Variants in AGO3 observed in about 807,000 individuals in gnomAD.
AGO3 encodes argonaute RISC catalytic component 3.
AGO3 carries 16 observed loss-of-function variants against 105.5 expected under a neutral mutation model. That is an observed-to-expected ratio of 0.15 (90% CI 0.10 to 0.23). The LOEUF (loss-of-function observed/expected upper bound fraction) is 0.23, where lower values mean the gene tolerates loss of function less well. AGO3 is among the 10% of genes least tolerant of loss of function. The pLI is 1.00. For missense variants in AGO3, 534 were observed against 1,088.0 expected (o/e 0.49, Z 7.16); for synonymous variants, 340 against 367.3 (o/e 0.93, Z 0.85).
At chr1:36,038,546 T>C (rs544680127) in intron 14 of AGO3, among the ~76,000 whole-genome samples, 197 of 152,194 alleles carry the variant, frequency 1.3e-3, no homozygotes, top group Middle Eastern at 3.4e-3. Context: ...TGAGCTACCG[T>C]GCCCGGCCTG....
Position 36,009,086 on chromosome 1 carries a change from A to ATTATTTTTTTTTTTTTTTTTT in AGO3, c.1029+44_1029+45insATTTTTTTTTTTTTTTTTTTT. ...GCTAATTAATACCCTGTTGTTCATG[A>ATTATTTTTTTTTTTTTTTTTT]TTCTTTTGGGGTCTTTTATGGCCGA... On this transcript the variant is annotated intron_variant, in intron 8 of 18. Coordinates refer to ENST00000373191, the MANE Select transcript of AGO3 (RefSeq NM_024852.4). 3.4e-6 allele frequency: 5 copies of ATTATTTTTTTTTTTTTTTTTT among 1,481,350 alleles called. No homozygotes were observed. In the East Asian group the frequency reaches 2.0e-4, roughly 60 times the overall value. 91.8% of individuals were successfully genotyped at this position (1,481,350 alleles called of 1,614,324 possible). A position where few individuals can be genotyped will look rare whatever the true frequency, so the allele number is the denominator to read the frequency against.
intron 2 of AGO3, among the ~76,000 whole-genome samples, chr1:35,962,384 A>G (rs1015058287): frequency 9.9e-5 from 15 of 152,188 alleles, no homozygotes; most frequent in African/African-American, 3.1e-4. Context: ...TCTACTAAAA[A>G]TACAAAAAAT....
chr1:35,953,972 A>G (rs1646519911), intron 2 of AGO3, among the ~76,000 whole-genome samples: 1 of 152,182 alleles, frequency 6.6e-6, no homozygotes, highest in East Asian at 1.9e-4. Flanking sequence ...TTGAAGCACA[A>G]ACTTTTAAAA....
At chr1:36,005,267 T>A (rs1569736249) in intron 6 of AGO3, among the ~76,000 whole-genome samples, 1 of 152,290 alleles carries the variant, frequency 6.6e-6, no homozygotes, top group African/African-American at 2.4e-5. Flanking sequence ...AGCTTGTGGT[T>A]TGAATGAAGC....
chr1:36,045,993 G>T (rs1339802183), intron 17 of AGO3, among the ~76,000 whole-genome samples: 1 of 152,136 alleles, frequency 6.6e-6, no homozygotes, highest in Non-Finnish European at 1.5e-5. Context: ...TCCAAATCAG[G>T]ATCAGCTGGG....
intron 5 of AGO3, among the ~76,000 whole-genome samples, chr1:35,994,968 G>A (rs963053165): frequency 3.3e-5 from 5 of 151,978 alleles, no homozygotes; most frequent in Admixed American, 1.3e-4. Context: ...GGAGGCCAAG[G>A]TGGGTGGATT....
At chr1:35,979,324 G>A (rs1216006429) in intron 5 of AGO3, among the ~76,000 whole-genome samples, 3 of 151,786 alleles carry the variant, frequency 2.0e-5, no homozygotes, top group African/African-American at 4.8e-5. Flanking sequence ...AGATCGCGCC[G>A]CTGCACCCCA....
chr1:35,998,250 G>A (rs1639930989), intron 5 of AGO3, among the ~76,000 whole-genome samples: 1 of 152,040 alleles, frequency 6.6e-6, no homozygotes, highest in African/African-American at 2.4e-5. Context: ...AATTATATGA[G>A]TATAGTACAA....
intron 2 of AGO3, among the ~76,000 whole-genome samples, chr1:35,958,281 T>A (rs957197325): frequency 6.6e-6 from 1 of 151,898 alleles, no homozygotes. Flanking sequence ...CCCAGGAGGC[T>A]GAGTCTGAAG....
At position 36,034,235 on chromosome 1, in the gene AGO3, G is replaced by A. The variant is rs1479529135; in HGVS notation, c.1653G>A (p.Lys551=). ...LGMATQCVQV[K]NVIKTSPQTL... Reference sequence around the variant, plus strand: ...TGGCTACACAATGTGTTCAAGTCAAGAATGTAATAAAAACATCTCCTCAAA... The same window carrying A: ...TGGCTACACAATGTGTTCAAGTCAAAAATGTAATAAAAACATCTCCTCAAA... Residue 551 remains lysine, a synonymous_variant, in exon 13 of 19, where the codon AAG becomes AAA. Coordinates refer to ENST00000373191, the MANE Select transcript of AGO3 (RefSeq NM_024852.4). 1 of 1,606,686 alleles carries A rather than the reference G, an allele frequency of 6.2e-7. No homozygotes were observed. The highest frequency in any genetic ancestry group is 1.1e-5 in the South Asian group (1 of 89,720).
chr1:36,052,843 C>T (rs1642771759), intron 17 of AGO3, among the ~76,000 whole-genome samples: 1 of 152,048 alleles, frequency 6.6e-6, no homozygotes, highest in Non-Finnish European at 1.5e-5. Flanking sequence ...AAAACCTCAT[C>T]TCTATAAAAA....
chr1:35,957,177 C>T (rs1335373359), intron 2 of AGO3, among the ~76,000 whole-genome samples: 6 of 151,254 alleles, frequency 4.0e-5, no homozygotes, highest in Admixed American at 6.6e-5. Flanking sequence ...TGGTGAAACC[C>T]CATCTCTACT....
chr1:36,055,863 G>T lies in AGO3; in HGVS notation c.*118G>T. 2 of 890,898 alleles carry T rather than the reference G, an allele frequency of 2.2e-6. No homozygotes were observed. The highest frequency in any genetic ancestry group is 3.5e-6 in the Non-Finnish European group (2 of 573,822). 55.2% of individuals were successfully genotyped at this position (890,898 alleles called of 1,614,324 possible). Reference sequence around the variant, plus strand: ...CCAGCCATACAGAAACCAACACTGTGTGGGGGCCAAGGTCTGATCCTTATG... The same window carrying T: ...CCAGCCATACAGAAACCAACACTGTTTGGGGGCCAAGGTCTGATCCTTATG... On this transcript the variant is annotated 3_prime_UTR_variant, in exon 19 of 19. Transcript: ENST00000373191. The surrounding 1 kb of genome is among the most constrained non-coding windows in gnomAD (Gnocchi z 4.4).
chr1:36,024,091 A>C (rs999255002), intron 11 of AGO3, among the ~76,000 whole-genome samples: 2 of 150,494 alleles, frequency 1.3e-5, no homozygotes, highest in Admixed American at 6.6e-5. Flanking sequence ...AGCAAGTTCA[A>C]TGGTCTCTTC....
rs541161022 is a variant in AGO3 at position 36,029,009 on chromosome 1, A to G, written c.1591+1711A>G. 1.1e-4 allele frequency among the ~76,000 whole-genome samples: 16 copies of G among 152,248 alleles called. No individual in the cohort carries two copies. In the South Asian group the frequency reaches 3.1e-3, roughly 30 times the overall value. On this transcript the variant is annotated intron_variant, in intron 12 of 18. Coordinates refer to ENST00000373191, the MANE Select transcript of AGO3 (RefSeq NM_024852.4). ...TTCTGGTTTTAATTGAGCATTTTAT[A>G]TGATTCTATTTTCTTTCCTCTTTTA...
intron 11 of AGO3, among the ~76,000 whole-genome samples, chr1:36,015,654 A>G (rs553381915): frequency 6.6e-6 from 1 of 152,338 alleles, no homozygotes; most frequent in East Asian, 1.9e-4. Flanking sequence ...CTGCTAGGAA[A>G]TGGGAATGGC....
intron 1 of AGO3, among the ~76,000 whole-genome samples, chr1:35,935,021 G>T (rs1646125044): frequency 6.6e-6 from 1 of 152,126 alleles, no homozygotes; most frequent in Admixed American, 6.5e-5. Flanking sequence ...TGCTCTGTCT[G>T]TGGGCATGAA....
chr1:35,984,507 T>A (rs541983275), intron 5 of AGO3: 1 of 152,740 alleles, frequency 6.5e-6, no homozygotes, highest in South Asian at 2.1e-4. Flanking sequence ...GAAGCAGTGT[T>A]TGACACCCTT....
intron 5 of AGO3, among the ~76,000 whole-genome samples, chr1:36,001,308 C>T (rs184241879): frequency 2.0e-5 from 3 of 152,092 alleles, no homozygotes; most frequent in Middle Eastern, 3.4e-3. Context: ...TAAATACATA[C>T]ACATACGTAC....
Sources: gnomAD v4.1 joint callset for allele counts (sites outside exome capture counted in the v4.1 genomes callset) on GRCh38, gnomAD v4.1.1 for gene constraint, Gnocchi (gnomAD v3.1) non-coding constraint, MANE v1.5 for transcripts, NCBI Gene and HGNC (gene_info 2026-07-23, HGNC 2026-07-21) for gene names.